Variants in PSMG2 observed in about 807,000 individuals in gnomAD.
The protein encoded by PSMG2 is proteasome assembly chaperone 2, also known as CD40 ligand-activated specific transcript 3.
A neutral mutation model predicts 31.5 loss-of-function variants in PSMG2; 21 were observed. That is an observed-to-expected ratio of 0.67 (90% CI 0.47 to 0.96). The LOEUF (loss-of-function observed/expected upper bound fraction) is 0.96. PSMG2 is among the 40% of genes least tolerant of loss of function. PSMG2 has a pLI of 0.00. For synonymous variants in PSMG2, 120 were observed against 110.4 expected (o/e 1.09, Z -0.54); for missense variants, 318 against 321.2 (o/e 0.99, Z 0.08).
chr18:12,673,398 G>A, intron 1 of PSMG2: 1 of 1,606,384 alleles, frequency 6.2e-7, no homozygotes, highest in Non-Finnish European at 8.5e-7. Context: ...AAGCAAACAT[G>A]ATCCAAACAG....
chr18:12,701,239 G>A (rs1177139523), upstream of PSMG2: 3 of 665,444 alleles, frequency 4.5e-6, no homozygotes, highest in South Asian at 4.1e-5. Flanking sequence ...GGGAACAAAG[G>A]TAAGCTTTTA....
At chr18:12,721,879 C>CT (rs2040434184) in intron 5 of PSMG2, among the ~76,000 whole-genome samples, 1 of 151,874 alleles carries the variant, frequency 6.6e-6, no homozygotes, top group Admixed American at 6.6e-5. Flanking sequence ...AAATTTTCCT[C>CT]TTAGTGCTGT....
chr18:12,698,963 T>C (rs2040056550), upstream of PSMG2: 3 of 1,533,464 alleles, frequency 2.0e-6, no homozygotes, highest in African/African-American at 4.1e-5. Context: ...AATGACAATT[T>C]ATTACTGTTT....
chr18:12,662,553 A>G (rs1168575274), intron 1 of PSMG2, among the ~76,000 whole-genome samples: 1 of 152,244 alleles, frequency 6.6e-6, no homozygotes, highest in Non-Finnish European at 1.5e-5. Flanking sequence ...AGGCAGGAGC[A>G]TCATTTGAGC....
At chr18:12,660,336 T>TA (rs2038670718) in intron 1 of PSMG2, among the ~76,000 whole-genome samples, 2 of 151,186 alleles carry the variant, frequency 1.3e-5, no homozygotes, top group Non-Finnish European at 2.9e-5. Context: ...TTTTTTTTTT[T>TA]AATTGAGACA....
chr18:12,703,052 T>C lies in PSMG2; in HGVS notation c.-56T>C, dbSNP rs80236912. The C allele has an allele frequency of 1.8e-3, 2,786 of 1,582,238 alleles. 53 individuals carry two copies. In the African/African-American group the frequency reaches 0.034, roughly 19 times the overall value. On this transcript the variant is annotated 5_prime_UTR_variant, in exon 1 of 7. Transcript: ENST00000317615. ...GGGTCTCGGGCTTCCGCCTTCTTGC[T>C]GCCCTCGTTCTTGCCAGGGCCGCGG...
In PSMG2 at chr18:12,720,552, T is replaced by C; in HGVS notation, c.450T>C (p.Ser150=). The change falls in exon 5 of 7, where the codon AGT becomes AGC. Residue 150 remains serine, a synonymous_variant. Transcript: ENST00000317615. The part of the protein sequence containing the change: ...RYLLTPSMQK[S]VQNKIKSLNW... ...TACTTACACCTTCCATGCAAAAAAGTGTTCAAAATAAAATAAAGAGCCTTA... is the reference window on the plus strand; with the variant it reads ...TACTTACACCTTCCATGCAAAAAAGCGTTCAAAATAAAATAAAGAGCCTTA... 1 of 1,611,988 alleles carries C rather than the reference T, an allele frequency of 6.2e-7. No homozygotes were observed. The highest frequency in any genetic ancestry group is 8.5e-7 in the Non-Finnish European group (1 of 1,179,216).
intron 5 of PSMG2, among the ~76,000 whole-genome samples, chr18:12,723,151 TTTCC>T (rs1568046344): frequency 6.6e-6 from 1 of 152,244 alleles, no homozygotes; most frequent in Non-Finnish European, 1.5e-5. Flanking sequence ...CCTCGGTGCC[TTTCC>T]TTCCTTAGAA....
intron 5 of PSMG2, among the ~76,000 whole-genome samples, chr18:12,723,283 T>C (rs1358625551): frequency 6.6e-6 from 1 of 152,072 alleles, no homozygotes; most frequent in East Asian, 1.9e-4. Flanking sequence ...TTTTTGCATT[T>C]ATTGGCAAGC....
chr18:12,706,834 G>A, intron 2 of PSMG2, 113 bp downstream of exon 2: 1 of 1,113,488 alleles, frequency 9.0e-7, no homozygotes, highest in Non-Finnish European at 1.2e-6. Flanking sequence ...TGCCAACTTT[G>A]TGTAGAGTTC....
chr18:12,687,285 CCACAACCAGAA>C (rs1368322786), intron 1 of PSMG2, among the ~76,000 whole-genome samples: 6 of 152,102 alleles, frequency 3.9e-5, no homozygotes, highest in Non-Finnish European at 8.8e-5. Context: ...ATGTCTTTCT[CCACAACCAGAA>C]CATCTTTTTC....
intron 1 of PSMG2, among the ~76,000 whole-genome samples, chr18:12,693,700 T>C (rs1333130784): frequency 1.3e-5 from 2 of 152,074 alleles, no homozygotes; most frequent in African/African-American, 2.4e-5. Flanking sequence ...GGAGAATTGC[T>C]TGAACTCGGC....
intron 1 of PSMG2, among the ~76,000 whole-genome samples, chr18:12,661,054 T>C (rs2144934330): frequency 6.6e-6 from 1 of 152,354 alleles, no homozygotes; most frequent in African/African-American, 2.4e-5. Context: ...ACGCCTGTAA[T>C]CCCAGCAGTT....
intron 1 of PSMG2, chr18:12,691,143 A>C: frequency 2.5e-6 from 1 of 393,466 alleles, no homozygotes; most frequent in Non-Finnish European, 4.5e-6. Flanking sequence ...TTTTTCAAAA[A>C]CCCACAATAA....
intron 1 of PSMG2, chr18:12,691,174 A>G (rs1427047527): frequency 3.6e-5 from 15 of 416,158 alleles, no homozygotes; most frequent in Non-Finnish European, 5.4e-5. Context: ...AAGTAAAATA[A>G]GACATAGATT....
chr18:12,720,816 C>CAA, intron 5 of PSMG2, 133 bp downstream of exon 5: 2 of 854,620 alleles, frequency 2.3e-6, no homozygotes, highest in East Asian at 2.8e-5. Flanking sequence ...AAAACAACAA[C>CAA]AAAAAAAACA....
At chr18:12,662,296 G>A (rs1390956052) in intron 1 of PSMG2, 7 of 369,118 alleles carry the variant, frequency 1.9e-5, no homozygotes, top group Non-Finnish European at 3.2e-5. Flanking sequence ...TTCAAAATGT[G>A]CTCTTCAGTT....
intron 1 of PSMG2, among the ~76,000 whole-genome samples, chr18:12,688,210 G>A (rs1176533443): frequency 7.1e-6 from 1 of 140,530 alleles, no homozygotes; most frequent in Non-Finnish European, 1.5e-5. Flanking sequence ...CAGCCTGGGC[G>A]AGAGCGAGAC....
chr18:12,711,090 ACT>A (rs1281179341), intron 2 of PSMG2, among the ~76,000 whole-genome samples: 1 of 152,020 alleles, frequency 6.6e-6, no homozygotes, highest in Non-Finnish European at 1.5e-5. Flanking sequence ...ATAGAGCAAG[ACT>A]CTGTCTTAAA....
Sources: allele counts gnomAD v4.1 joint callset (sites outside exome capture counted in the v4.1 genomes callset), GRCh38; gene constraint gnomAD v4.1.1; transcripts MANE v1.5; gene names NCBI Gene and HGNC (gene_info 2026-07-23, HGNC 2026-07-21).